The following PGRMC2 variants were observed in gnomAD, a reference collection of about 807,000 sequenced individuals.
PGRMC2 encodes membrane-associated progesterone receptor component 2.
A neutral mutation model predicts 19.3 loss-of-function variants in PGRMC2; 9 were observed. That is an observed-to-expected ratio of 0.47 (90% CI 0.28 to 0.81). The LOEUF is 0.81. Ranked by LOEUF, PGRMC2 falls within the 40% of genes least tolerant of loss-of-function variation. PGRMC2 has a pLI of 0.11. For synonymous variants in PGRMC2, 157 were observed against 124.6 expected (o/e 1.26, Z -1.73); for missense variants, 289 against 297.3 (o/e 0.97, Z 0.21).
chr4:128,277,888 C>A (rs937273588), intron 1 of PGRMC2, among the ~76,000 whole-genome samples: 2 of 152,176 alleles, frequency 1.3e-5, no homozygotes, highest in Non-Finnish European at 2.9e-5. Flanking sequence ...GTCCTTAGAT[C>A]CCTCAAATAT....
rs759473544 is a variant in PGRMC2, at chr4:128,287,453, C to T, written c.338G>A (p.Gly113Asp). The change falls in exon 1 of 3, where the codon GGC becomes GAC. Residue 113 changes from glycine (G) to aspartate (D), a missense_variant. Transcript: ENST00000296425. ...FSLEQLRQYDGSRNPRILLAV... is the reference protein window; with the variant it reads ...FSLEQLRQYDDSRNPRILLAV... ...GAGCAGGATGCGCGGGTTGCGGGAG[C>T]CGTCGTACTGGCGCAGCTGCTCCAA... 2 of 1,613,508 alleles carry T rather than the reference C, an allele frequency of 1.2e-6. No individual in the cohort carries two copies. The highest frequency in any genetic ancestry group is 1.7e-6 in the Non-Finnish European group (2 of 1,179,552).
intron 1 of PGRMC2, among the ~76,000 whole-genome samples, chr4:128,273,343 G>A (rs145353368): frequency 6.6e-6 from 1 of 152,266 alleles, no homozygotes; most frequent in Admixed American, 6.5e-5. Context: ...TGACTGATGT[G>A]TTGACAAAAA....
chr4:128,287,187 G>T, intron 1 of PGRMC2, 186 bp downstream of exon 1: 1 of 556,780 alleles, frequency 1.8e-6, no homozygotes, highest in Non-Finnish European at 3.0e-6. Context: ...GGAGGTGCCC[G>T]TAGCTGCGGG....
In PGRMC2 at chr4:128,287,426, G is replaced by C; in HGVS notation, c.365C>G (p.Ala122Gly). ...CACGTCGAAGACTTTCCCATTGACC[G>C]CGAGCAGGATGCGCGGGTTGCGGGA... ...DGSRNPRILLAVNGKVFDVTK... is the reference protein window; with the variant it reads ...DGSRNPRILLGVNGKVFDVTK... Residue 122 changes from alanine (A) to glycine (G), a missense_variant, in exon 1 of 3, where the codon GCG becomes GGG. Coordinates refer to ENST00000296425, the MANE Select transcript of PGRMC2 (RefSeq NM_006320.6). 1 of 1,612,996 alleles carries C rather than the reference G, an allele frequency of 6.2e-7. No homozygotes were observed. The highest frequency in any genetic ancestry group is 8.5e-7 in the Non-Finnish European group (1 of 1,179,214).
At chr4:128,278,418 A>T (rs1400545228) in intron 1 of PGRMC2, among the ~76,000 whole-genome samples, 1 of 152,134 alleles carries the variant, frequency 6.6e-6, no homozygotes, top group Admixed American at 6.5e-5. Flanking sequence ...CTAAAAATAT[A>T]AAAATTAGCC....
At chr4:128,285,999 C>T (rs1177551221) in intron 1 of PGRMC2, among the ~76,000 whole-genome samples, 1 of 151,848 alleles carries the variant, frequency 6.6e-6, no homozygotes, top group Non-Finnish European at 1.5e-5. Context: ...CCAAAAATCT[C>T]CTATTTCTTA....
rs1376676209 is a variant in PGRMC2, at chr4:128,287,720, C to T, written c.71G>A (p.Gly24Asp). ...GSGSESSNDG[G>D]SESPGDAGAA... is the part of the protein sequence containing the mutation. ...TCCCGCGTCGCCTGGACTCTCGCTG[C>T]CGCCGTCGTTGCTGCTCTCGCTGCC... Residue 24 changes from glycine to aspartate, a missense_variant, in exon 1 of 3, where the codon GGC becomes GAC. Coordinates refer to ENST00000296425, the MANE Select transcript of PGRMC2 (RefSeq NM_006320.6). 1.3e-6 allele frequency: 2 copies of T among 1,500,342 alleles called. No individual in the cohort carries two copies. The highest frequency in any genetic ancestry group is 1.4e-5 in the African/African-American group (1 of 72,726). The allele number at this position is 1,500,342 out of a possible 1,614,324, so 92.9% of individuals were successfully genotyped here.
intron 1 of PGRMC2, among the ~76,000 whole-genome samples, chr4:128,285,295 T>C (rs1392399137): frequency 6.6e-6 from 1 of 151,924 alleles, no homozygotes; most frequent in East Asian, 1.9e-4. Context: ...TCTAGCTGAT[T>C]TTCTTGTATT....
At position 128,269,463 on chromosome 4, in the gene PGRMC2, T is replaced by C. The variant is rs780532674; in HGVS notation, c.*1853A>G. ...AACATTTTTTGTTTAGAAAATATTT[T>C]ACATAAAAACACAAAGCATTTACCA... On this transcript the variant is annotated 3_prime_UTR_variant, in exon 3 of 3. Transcript: ENST00000296425. 8 of 152,356 alleles carry C rather than the reference T, an allele frequency of 5.3e-5. No homozygotes were observed. The highest frequency in any genetic ancestry group is 1.0e-4 in the Non-Finnish European group (7 of 68,032). The allele number at this position is 152,356 out of a possible 1,614,324, so 9.4% of individuals were successfully genotyped here.
chr4:128,278,376 C>T (rs1291547409), intron 1 of PGRMC2, among the ~76,000 whole-genome samples: 1 of 151,958 alleles, frequency 6.6e-6, no homozygotes, highest in Non-Finnish European at 1.5e-5. Context: ...TGAGACCAAC[C>T]TGGCCAAGAT....
Position 128,287,361 on chromosome 4 carries a change from C to G in PGRMC2, c.418+12G>C. ...TGCAGGGGGTCCTTCCCCTCCCCTT[C>G]CAACTCCTCACCCGGGCCGTAGAAC... On this transcript the variant is annotated intron_variant, in intron 1 of 2. Transcript: ENST00000296425. The G allele has an allele frequency of 6.3e-7, 1 of 1,588,856 alleles. No individual in the cohort carries two copies. The highest frequency in any genetic ancestry group is 1.3e-5 in the African/African-American group (1 of 74,166).
At chr4:128,278,341 C>T (rs149050585) in intron 1 of PGRMC2, among the ~76,000 whole-genome samples, 1 of 152,080 alleles carries the variant, frequency 6.6e-6, no homozygotes, top group East Asian at 1.9e-4. Context: ...GAGGCCAAGG[C>T]GGGTAGATCA....
Sources: allele counts gnomAD v4.1 joint callset (sites outside exome capture counted in the v4.1 genomes callset), GRCh38; gene constraint gnomAD v4.1.1; transcripts MANE v1.5; gene names NCBI Gene and HGNC (gene_info 2026-07-23, HGNC 2026-07-21).